Variants in TMEM63C observed in about 807,000 individuals in gnomAD.
The protein encoded by TMEM63C is osmosensitive cation channel TMEM63C.
In TMEM63C, 32 loss-of-function variants were observed where a neutral mutation model predicts 99.2. The ratio of observed to expected loss-of-function variants is 0.32; its 90% CI spans 0.24 to 0.43. The LOEUF (loss-of-function observed/expected upper bound fraction) is 0.43, where lower values mean the gene tolerates loss of function less well. Among genes scored for constraint, TMEM63C ranks in the 20% least tolerant of loss-of-function variants. TMEM63C has a pLI of 1.00. For missense variants in TMEM63C, 826 were observed against 1,053.0 expected (o/e 0.78, Z 2.98); for synonymous variants, 376 against 397.9 (o/e 0.94, Z 0.66).
intron 5 of TMEM63C, among the ~76,000 whole-genome samples, chr14:77,223,630 AG>A (rs1041868048): frequency 2.0e-5 from 3 of 151,778 alleles, no homozygotes; most frequent in Admixed American, 2.0e-4. Context: ...TACTCAGGGG[AG>A]GGAGTGTGTG....
Position 77,256,696 on chromosome 14 carries a change from G to A in TMEM63C, c.2391G>A (p.Leu797=), listed in dbSNP as rs1380277781. 2 of 1,613,916 alleles carry A rather than the reference G, an allele frequency of 1.2e-6. No homozygotes were observed. The highest frequency in any genetic ancestry group is 4.5e-5 in the East Asian group (2 of 44,870). The change falls in exon 24 of 24, where the codon CTG becomes CTA. Residue 797 remains leucine (L), a synonymous_variant. Coordinates refer to ENST00000298351, the MANE Select transcript of TMEM63C (RefSeq NM_020431.4). The part of the protein sequence containing the change: ...ELDSAQFQEG[L]ELEGQNQYH The stretch of plus-strand genomic sequence containing the variant: ...ACTCGGCCCAGTTCCAGGAAGGGCT[G>A]GAACTGGAGGGCCAGAACCAGTACC...
chr14:77,214,996 TAC>T (rs1487767761), intron 2 of TMEM63C, among the ~76,000 whole-genome samples: 1 of 152,166 alleles, frequency 6.6e-6, no homozygotes, highest in Non-Finnish European at 1.5e-5. Flanking sequence ...ATTCACCTGC[TAC>T]ACCCTCAACC....
At chr14:77,231,261 C>T (rs1888934159) in intron 6 of TMEM63C, among the ~76,000 whole-genome samples, 1 of 152,170 alleles carries the variant, frequency 6.6e-6, no homozygotes, top group Admixed American at 6.5e-5. Context: ...ACCATAGCAA[C>T]CACTCAAAAT....
rs1356060328 is a variant in TMEM63C at position 77,253,207 on chromosome 14, G to C, written c.2149-98G>C. 3 of 1,057,794 alleles carry C rather than the reference G, an allele frequency of 2.8e-6. No individual in the cohort carries two copies. In the East Asian group the frequency reaches 7.7e-5, roughly 27 times the overall value. 65.5% of individuals were successfully genotyped at this position (1,057,794 alleles called of 1,614,324 possible). ...GACAGAAGATGAGTTGAGTTCCAAG[G>C]TGGTGAGAAGCCCAGGTGTGGAGTT... On this transcript the variant is annotated intron_variant, in intron 22 of 23. Transcript: ENST00000298351.
At chr14:77,188,513 T>C (rs1317527485) in intron 1 of TMEM63C, among the ~76,000 whole-genome samples, 1 of 152,096 alleles carries the variant, frequency 6.6e-6, no homozygotes, top group Admixed American at 6.5e-5. Flanking sequence ...CTAGAGAAAC[T>C]CACACATGTG....
chr14:77,233,222 C>A (rs1286124289), intron 7 of TMEM63C, among the ~76,000 whole-genome samples: 1 of 152,144 alleles, frequency 6.6e-6, no homozygotes, highest in Non-Finnish European at 1.5e-5. Context: ...AGATACCACA[C>A]AAAGAAGTGT....
At position 77,225,453 on chromosome 14, in the gene TMEM63C, A is replaced by G. The variant is rs1392340141; in HGVS notation, c.342A>G (p.Ile114Met). ...KGFCSWFFNS[I>M]TMKDEDLINK... ...TCTGTTCCTGGTTCTTCAACAGCAT[A>G]ACAATGAAGTAAGTGCCCGGGCTCT... The change falls in exon 6 of 24, where the codon ATA (isoleucine) becomes ATG (methionine). Residue 114 changes from isoleucine to methionine, a missense_variant. Ile to Met is a conservative substitution (Grantham distance 10, BLOSUM62 1). Transcript: ENST00000298351. 2 of 1,613,198 alleles carry G rather than the reference A, an allele frequency of 1.2e-6. No homozygotes were observed. The highest frequency in any genetic ancestry group is 2.2e-5 in the East Asian group (1 of 44,824).
At chr14:77,228,725 CAG>C (rs1888881209) in intron 6 of TMEM63C, among the ~76,000 whole-genome samples, 1 of 151,962 alleles carries the variant, frequency 6.6e-6, no homozygotes, top group Non-Finnish European at 1.5e-5. Flanking sequence ...TTAGTAGAGA[CAG>C]GGCTTCACCA....
At chr14:77,236,503 G>C in intron 8 of TMEM63C, 121 bp from the exon 9 acceptor site, 2 of 666,616 alleles carry the variant, frequency 3.0e-6, no homozygotes, top group Non-Finnish European at 5.3e-6. Context: ...GGTCTGAGGA[G>C]ACTGTGATGG....
intron 1 of TMEM63C, among the ~76,000 whole-genome samples, chr14:77,194,498 T>TTTTTCTTTC (rs1888173180): frequency 7.8e-5 from 1 of 12,842 alleles, no homozygotes. Flanking sequence ...TTCTTTTTTC[T>TTTTTCTTTC]TTCTTTCTTT....
chr14:77,243,588 C>G (rs530049735), intron 15 of TMEM63C, among the ~76,000 whole-genome samples: 21 of 152,152 alleles, frequency 1.4e-4, no homozygotes, highest in Non-Finnish European at 2.8e-4. Flanking sequence ...GCTGGGAGCC[C>G]TCAGCCCTGG....
chr14:77,239,574 G>A (rs539211193), intron 11 of TMEM63C, 29 bp from the exon 12 acceptor site: 26 of 1,613,074 alleles, frequency 1.6e-5, no homozygotes, highest in Non-Finnish European at 2.1e-5. Flanking sequence ...TGACCTGCAG[G>A]TCCTTCTCCT....
At chr14:77,252,052 G>A (rs1028151647) in intron 22 of TMEM63C, among the ~76,000 whole-genome samples, 154 bp downstream of exon 22, 1 of 141,240 alleles carries the variant, frequency 7.1e-6, no homozygotes, top group Non-Finnish European at 1.6e-5. Flanking sequence ...GTGTGCATGC[G>A]TGCATGCATG....
In TMEM63C at chr14:77,256,803, C is replaced by T. The variant is rs1189875218; in HGVS notation, c.*77C>T. ...TGGCAAGGGGAGGCAGGAGGGTGGC[C>T]TGGACCTCCCCACTACCTCCTGCAG... On this transcript the variant is annotated 3_prime_UTR_variant, in exon 24 of 24. Transcript: ENST00000298351. 2.9e-6 allele frequency: 4 copies of T among 1,391,506 alleles called. No homozygotes were observed. The highest frequency in any genetic ancestry group is 1.4e-5 in the African/African-American group (1 of 70,290). The allele number at this position is 1,391,506 out of a possible 1,614,324, so 86.2% of individuals were successfully genotyped here.
intron 15 of TMEM63C, among the ~76,000 whole-genome samples, chr14:77,244,081 C>G (rs1310019938): frequency 6.6e-6 from 1 of 152,076 alleles, no homozygotes; most frequent in Non-Finnish European, 1.5e-5. Flanking sequence ...GCACTCCTGG[C>G]TAGCTCTGGC....
In TMEM63C at chr14:77,257,127, C is replaced by A. The variant is rs384492; in HGVS notation, c.*401C>A. On this transcript the variant is annotated 3_prime_UTR_variant, in exon 24 of 24. Transcript: ENST00000298351. ...CACCACTCTGCATCAGCTGCCCTTC[C>A]AAGGAGCTTCTGCTGCTGCTCCTCC... The A allele has an allele frequency of 0.37, 65,345 of 174,776 alleles. 13,692 individuals carry two copies. The highest frequency in any genetic ancestry group is 0.67 in the East Asian group (3,996 of 6,006). The allele number at this position is 174,776 out of a possible 1,614,324, so 10.8% of individuals were successfully genotyped here.
At chr14:77,189,991 G>A (rs75559223) in intron 1 of TMEM63C, among the ~76,000 whole-genome samples, 2,110 of 152,252 alleles carry the variant, frequency 0.014, 38 homozygotes, top group African/African-American at 0.048. Flanking sequence ...GGAAAATCAT[G>A]TGTCATTTTA....
chr14:77,243,438 T>A (rs1178996524), intron 15 of TMEM63C, among the ~76,000 whole-genome samples: 5 of 152,168 alleles, frequency 3.3e-5, no homozygotes, highest in African/African-American at 9.6e-5. Context: ...CTGCAAGTTG[T>A]CCGAGGCAGC....
chr14:77,225,432 T>C lies in TMEM63C; in HGVS notation c.321T>C (p.Cys107=). The C allele has an allele frequency of 2.5e-6, 4 of 1,613,292 alleles. No homozygotes were observed. The change falls in exon 6 of 24, where the codon TGT becomes TGC. Residue 107 remains cysteine, a synonymous_variant. Coordinates refer to ENST00000298351, the MANE Select transcript of TMEM63C (RefSeq NM_020431.4). ...CTCTCCTTTCCCCGCAGGGATTCTGTTCCTGGTTCTTCAACAGCATAACAA... is the reference window on the plus strand; with the variant it reads ...CTCTCCTTTCCCCGCAGGGATTCTGCTCCTGGTTCTTCAACAGCATAACAA... The part of the protein sequence containing the change: ...LEMERRDKGF[C]SWFFNSITMK...
Sources: allele counts gnomAD v4.1 joint callset (sites outside exome capture counted in the v4.1 genomes callset), GRCh38; gene constraint gnomAD v4.1.1; transcripts MANE v1.5; gene names NCBI Gene and HGNC (gene_info 2026-07-23, HGNC 2026-07-21).